The following LRRC4C variants were observed in gnomAD, a reference collection of about 807,000 sequenced individuals.
The protein encoded by LRRC4C is leucine-rich repeat-containing protein 4C.
Under a neutral mutation model 33.6 loss-of-function variants are expected in LRRC4C, and 5 were observed. The ratio of observed to expected loss-of-function variants is 0.15; its 90% confidence interval spans 0.08 to 0.31. LRRC4C has a LOEUF of 0.31. Among genes scored for constraint, LRRC4C ranks in the 10% least tolerant of loss-of-function variants. The probability of loss-of-function intolerance (pLI) is 1.00; values close to 1 mark genes in which losing one functional copy is unlikely to be tolerated. For missense variants in LRRC4C, 560 were observed against 796.7 expected (o/e 0.70, Z 3.58); for synonymous variants, 329 against 302.0 (o/e 1.09, Z -0.93).
chr11:41,175,001 C>G (rs1167772027), intron 1 of LRRC4C, among the ~76,000 whole-genome samples: 1 of 151,798 alleles, frequency 6.6e-6, no homozygotes, highest in Non-Finnish European at 1.5e-5. Context: ...TTTTTCTTTT[C>G]ATTCACATCC....
At chr11:40,614,824 T>C (rs1226949773) in intron 3 of LRRC4C, among the ~76,000 whole-genome samples, 1 of 151,624 alleles carries the variant, frequency 6.6e-6, no homozygotes, top group African/African-American at 2.4e-5. Flanking sequence ...GAATGGATCA[T>C]CAGTGGGTCA....
intron 5 of LRRC4C, among the ~76,000 whole-genome samples, chr11:40,218,086 G>C (rs955058221): frequency 4.6e-5 from 7 of 152,120 alleles, no homozygotes; most frequent in Admixed American, 2.0e-4. Context: ...GTATATTTCA[G>C]TGAGATGAAA....
chr11:40,876,118 G>C (rs914150424), intron 2 of LRRC4C, among the ~76,000 whole-genome samples: 7 of 152,124 alleles, frequency 4.6e-5, no homozygotes, highest in Non-Finnish European at 1.0e-4. Context: ...AGAATATATG[G>C]AGATTGGAAT....
At chr11:40,462,986 A>T (rs2138202863) in intron 3 of LRRC4C, among the ~76,000 whole-genome samples, 1 of 150,010 alleles carries the variant, frequency 6.7e-6, no homozygotes, top group East Asian at 2.0e-4. Context: ...CATCCGTAAT[A>T]TGAAGTGTCT....
intron 3 of LRRC4C, among the ~76,000 whole-genome samples, chr11:40,556,734 C>G (rs1243818415): frequency 6.6e-6 from 1 of 152,086 alleles, no homozygotes; most frequent in East Asian, 1.9e-4. Flanking sequence ...AAATTCATAC[C>G]AAGGAGGTGA....
rs146808919 is a variant in LRRC4C at position 41,225,649 on chromosome 11, A to T, written c.-496+233782T>A. Among the ~76,000 whole-genome samples, 399 of 151,666 alleles carry T rather than the reference A, an allele frequency of 2.6e-3. 3 individuals are homozygous for T. The highest frequency in any genetic ancestry group is 8.4e-3 in the African/African-American group (347 of 41,462). On this transcript the variant is annotated intron_variant, in intron 1 of 6. Coordinates refer to ENST00000528697, the MANE Select transcript of LRRC4C (RefSeq NM_001258419.2). Reference sequence around the variant, plus strand: ...CCCTGTCTTTATTTTATTTATATATATTTTTTTGTTTCTATCATATATAAA... The same window carrying T: ...CCCTGTCTTTATTTTATTTATATATTTTTTTTTGTTTCTATCATATATAAA...
chr11:41,325,365 A>C (rs890081238), intron 1 of LRRC4C, among the ~76,000 whole-genome samples: 1 of 152,152 alleles, frequency 6.6e-6, no homozygotes, highest in Admixed American at 6.5e-5. Context: ...GCTTAGCTTT[A>C]CTGGAAGTTG....
chr11:40,462,092 G>A (rs1952425843), intron 3 of LRRC4C, among the ~76,000 whole-genome samples: 1 of 152,000 alleles, frequency 6.6e-6, no homozygotes, highest in Non-Finnish European at 1.5e-5. Context: ...TTTCAGTATA[G>A]TGTTTGTAAA....
intron 3 of LRRC4C, among the ~76,000 whole-genome samples, chr11:40,592,368 C>G (rs1468929762): frequency 6.6e-6 from 1 of 152,070 alleles, no homozygotes; most frequent in African/African-American, 2.4e-5. Flanking sequence ...TTGTTGAGCC[C>G]CATTCCTGGA....
At chr11:40,143,421 T>G (rs1205906938) in intron 5 of LRRC4C, among the ~76,000 whole-genome samples, 2 of 152,188 alleles carry the variant, frequency 1.3e-5, no homozygotes, top group Non-Finnish European at 2.9e-5. Context: ...GATCTCATTT[T>G]CCTACAACAA....
intron 5 of LRRC4C, among the ~76,000 whole-genome samples, chr11:40,171,092 C>T (rs1860008160): frequency 1.3e-5 from 2 of 151,818 alleles, no homozygotes; most frequent in South Asian, 4.2e-4. Flanking sequence ...GTAACAATAC[C>T]TTATATTAAA....
intron 2 of LRRC4C, among the ~76,000 whole-genome samples, chr11:40,734,372 A>AT (rs1003498230): frequency 1.1e-3 from 171 of 152,214 alleles, no homozygotes; most frequent in African/African-American, 4.1e-3. Flanking sequence ...GTTTACGGAT[A>AT]TTTTTCCTTC....
chr11:41,315,117 G>T (rs1205434968), intron 1 of LRRC4C, among the ~76,000 whole-genome samples: 1 of 152,100 alleles, frequency 6.6e-6, no homozygotes. Context: ...GAGCCAAATT[G>T]TCCTGGATTT....
intron 1 of LRRC4C, among the ~76,000 whole-genome samples, chr11:41,392,346 G>T (rs1044340992): frequency 4.0e-5 from 6 of 151,844 alleles, no homozygotes; most frequent in Admixed American, 3.9e-4. Context: ...GTTTAACCTG[G>T]ACTTATTCTC....
rs1475095442 is a variant in LRRC4C, at chr11:40,696,777, T to G, written c.-406-48499A>C. Among the ~76,000 whole-genome samples, 14 of 145,078 alleles carry G rather than the reference T, an allele frequency of 9.6e-5. No homozygotes were observed. The Admixed American group carries it at 9.7e-4, about 10-fold the overall frequency. On this transcript the variant is annotated intron_variant, in intron 2 of 6. Coordinates refer to ENST00000528697, the MANE Select transcript of LRRC4C (RefSeq NM_001258419.2). ...ATATATATATATATATATATATATC[T>G]GAGTATATATATATACTCATTCACC...
intron 1 of LRRC4C, among the ~76,000 whole-genome samples, chr11:41,244,818 T>G (rs116499667): frequency 2.1e-3 from 316 of 152,282 alleles, no homozygotes; most frequent in African/African-American, 7.1e-3. Context: ...GACTGGATTT[T>G]GGGGCTATAG....
intron 5 of LRRC4C, among the ~76,000 whole-genome samples, chr11:40,186,773 G>A (rs1861435903): frequency 6.6e-6 from 1 of 152,182 alleles, no homozygotes; most frequent in Non-Finnish European, 1.5e-5. Context: ...CTGAAAGCCT[G>A]CCTCTCTCTG....
intron 4 of LRRC4C, among the ~76,000 whole-genome samples, chr11:40,276,674 A>AGTGTGTGTGTGT (rs56155922): frequency 7.4e-4 from 95 of 127,638 alleles, no homozygotes; most frequent in East Asian, 7.4e-4. Context: ...GTGGGAAACA[A>AGTGTGTGTGTGT]GTGTGTGTGT....
At chr11:41,236,781 T>C (rs10501252) in intron 1 of LRRC4C, among the ~76,000 whole-genome samples, 85,410 of 152,044 alleles carry the variant, frequency 0.56, 25,358 homozygotes, top group African/African-American at 0.74. Flanking sequence ...TGTTTTCTAG[T>C]GGTATGACCT....
Sources: allele counts gnomAD v4.1 joint callset (sites outside exome capture counted in the v4.1 genomes callset), GRCh38; gene constraint gnomAD v4.1.1; transcripts MANE v1.5; gene names NCBI Gene and HGNC (gene_info 2026-07-23, HGNC 2026-07-21).